PLK4: variants seen among roughly 807,000 people sequenced by gnomAD.
PLK4 encodes the protein polo like kinase 4.
Under a neutral mutation model 103.0 loss-of-function variants are expected in PLK4, and 51 were observed. The ratio of observed to expected loss-of-function variants is 0.50; its 90% confidence interval spans 0.40 to 0.63. The LOEUF (loss-of-function observed/expected upper bound fraction) is 0.63. Among genes scored for constraint, PLK4 ranks in the 20% least tolerant of loss-of-function variants. The probability of loss-of-function intolerance (pLI) is 0.00; values close to 1 mark genes in which losing one functional copy is unlikely to be tolerated. For synonymous variants in PLK4, 389 were observed against 376.8 expected (o/e 1.03, Z -0.38); for missense variants, 1,054 against 1,151.0 (o/e 0.92, Z 1.22).
intron 4 of PLK4, among the ~76,000 whole-genome samples, chr4:127,884,895 G>A (rs574049599): frequency 2.6e-4 from 39 of 151,926 alleles, no homozygotes; most frequent in Non-Finnish European, 4.6e-4. Context: ...AACTGAGATT[G>A]TGCCACTGCA....
intron 1 of PLK4, chr4:127,881,456 C>A: frequency 8.1e-7 from 1 of 1,237,022 alleles, no homozygotes; most frequent in Non-Finnish European, 1.1e-6. Flanking sequence ...TAGAGCAGGG[C>A]AGGGCTACCT....
In PLK4 at chr4:127,886,842, AC is replaced by A. The variant is rs1312390652; in HGVS notation, c.1358+116del. ...GGGAAATGAATGTCTAAAAAAAAAA[AC>A]CACTGTCATGATTTTGACCTGTGGT... On this transcript the variant is annotated intron_variant, in intron 5 of 15. Coordinates refer to ENST00000270861, the MANE Select transcript of PLK4 (RefSeq NM_014264.5). 72 of 620,232 alleles carry A rather than the reference AC, an allele frequency of 1.2e-4. No homozygotes were observed. The South Asian group carries it at 1.6e-3, about 14-fold the overall frequency. The allele number at this position is 620,232 out of a possible 1,614,324, so 38.4% of individuals were successfully genotyped here. A position where few individuals can be genotyped will look rare whatever the true frequency, so the allele number is the denominator to read the frequency against.
Position 127,893,582 on chromosome 4 carries a change from T to C in PLK4, c.2392T>C (p.Phe798Leu), listed in dbSNP as rs1315720714. The change falls in exon 12 of 16, where the codon TTT (phenylalanine) becomes CTT (leucine). Residue 798 changes from phenylalanine to leucine, a missense_variant. Around this residue, in one of 4 missense-constraint regions of PLK4, gnomAD observed 167 missense variants for 200.7 expected, o/e 0.83. Transcript: ENST00000270861. ...EEERKTRSAP[F>L]FPIIIGRKPG... ...GGAAAGGAAAACTAGGAGTGCTCCC[T>C]TTTTCCCAATAATCATAGGAAGGTA... The C allele has an allele frequency of 1.2e-6, 2 of 1,606,338 alleles. No homozygotes were observed. The highest frequency in any genetic ancestry group is 1.7e-6 in the Non-Finnish European group (2 of 1,173,886).
intron 9 of PLK4, 140 bp downstream of exon 9, chr4:127,891,821 GT>G (rs1735371386): frequency 5.1e-6 from 2 of 389,174 alleles, no homozygotes; most frequent in Non-Finnish European, 9.3e-6. Context: ...TTTGTTTCTG[GT>G]GAGAGTTGTA....
At chr4:127,885,418 G>T (rs1259096178) in intron 4 of PLK4, among the ~76,000 whole-genome samples, 3 of 148,208 alleles carry the variant, frequency 2.0e-5, no homozygotes, top group Non-Finnish European at 4.4e-5. Flanking sequence ...GGCGGAGCTT[G>T]CTGTGAGCCG....
At chr4:127,890,306 T>A in intron 7 of PLK4, 70 bp downstream of exon 7, 1 of 1,291,088 alleles carries the variant, frequency 7.7e-7, no homozygotes, top group South Asian at 1.5e-5. Context: ...AGAACATATT[T>A]TTTAGTCCTC....
In PLK4 at chr4:127,890,066, G is replaced by A; in HGVS notation, c.1660G>A (p.Glu554Lys). 1.2e-6 allele frequency: 2 copies of A among 1,613,982 alleles called. No individual in the cohort carries two copies. Among genetic ancestry groups the A allele is most frequent in the South Asian group, 1.1e-5 (1 of 91,064 alleles). Residue 554 changes from glutamate (E) to lysine (K), a missense_variant, in exon 7 of 16, where the codon GAG becomes AAG. Glu to Lys is a moderately conservative substitution (Grantham distance 56). Transcript: ENST00000270861. ...KYMTALHSKP[E>K]IIQQECVFGS... ...TATGACTGCACTTCACAGTAAACCTGAGATAATCCAACAAGAATGTGTTTT... is the reference window on the plus strand; with the variant it reads ...TATGACTGCACTTCACAGTAAACCTAAGATAATCCAACAAGAATGTGTTTT...
In PLK4 at chr4:127,896,661, T is replaced by C. The variant is rs539455991; in HGVS notation, c.2704-140T>C. ...GTAGTCACTTAGAGAGTTTTTTTTT[T>C]AACTGTGGAAAACCTGTTAAATATG... On this transcript the variant is annotated intron_variant, in intron 14 of 15. Transcript: ENST00000270861. 2.0e-4 allele frequency: 92 copies of C among 457,906 alleles called. 1 individual carries two copies. Among genetic ancestry groups the C allele is most frequent in the African/African-American group, 1.6e-3 (80 of 50,300 alleles). The allele number at this position is 457,906 out of a possible 1,614,324, so 28.4% of individuals were successfully genotyped here.
chr4:127,881,301 C>A, intron 1 of PLK4, 137 bp downstream of exon 1: 1 of 1,535,400 alleles, frequency 6.5e-7, no homozygotes, highest in Admixed American at 2.0e-5. Context: ...GTCCCAACGG[C>A]CCAGACCCCT....
chr4:127,885,404 G>A (rs946049418), intron 4 of PLK4, among the ~76,000 whole-genome samples: 2 of 150,904 alleles, frequency 1.3e-5, no homozygotes, highest in Non-Finnish European at 3.0e-5. Flanking sequence ...GCATGAACCC[G>A]GGAGGCGGAG....
chr4:127,885,208 G>C (rs1272136839), intron 4 of PLK4, among the ~76,000 whole-genome samples: 1 of 151,970 alleles, frequency 6.6e-6, no homozygotes, highest in Non-Finnish European at 1.5e-5. Context: ...GGCCAGGCGC[G>C]GTGGCTCAAG....
Position 127,891,094 on chromosome 4 carries a change from G to A in PLK4, c.1833G>A (p.Val611=), listed in dbSNP as rs1184519217. 4 of 1,462,650 alleles carry A rather than the reference G, an allele frequency of 2.7e-6. No individual in the cohort carries two copies. The highest frequency in any genetic ancestry group is 2.0e-5 in the Admixed American group (1 of 51,280). The allele number at this position is 1,462,650 out of a possible 1,614,324, so 90.6% of individuals were successfully genotyped here. Residue 611 remains valine, a splice_region_variant and synonymous_variant, in exon 8 of 16, where the codon GTG becomes GTA. Transcript: ENST00000270861. Reference sequence around the variant, plus strand: ...TTTTGGGTTTTTTTTTTTTTTAGGTGAGCATACTTGATTCAGAGGAGGTGT... The same window carrying A: ...TTTTGGGTTTTTTTTTTTTTTAGGTAAGCATACTTGATTCAGAGGAGGTGT... ...PIRQKTKKAV[V]SILDSEEVCV... is the part of the protein sequence containing the mutation.
intron 5 of PLK4, 99 bp downstream of exon 5, chr4:127,886,827 T>G: frequency 1.5e-6 from 1 of 679,124 alleles, no homozygotes. Context: ...GGGAAATGAA[T>G]GTCTAAAAAA....
intron 2 of PLK4, among the ~76,000 whole-genome samples, chr4:127,882,428 G>A (rs1193905358): frequency 1.3e-5 from 2 of 152,106 alleles, no homozygotes; most frequent in African/African-American, 2.4e-5. Context: ...GAAAACAACT[G>A]TGCAACATGG....
rs373686539 is a variant in PLK4, at chr4:127,894,480, G to A, written c.2563-473G>A. 4.0e-5 allele frequency among the ~76,000 whole-genome samples: 6 copies of A among 151,590 alleles called. No homozygotes were observed. In the East Asian group the frequency reaches 7.7e-4, roughly 20 times the overall value. On this transcript the variant is annotated intron_variant, in intron 13 of 15. Coordinates refer to ENST00000270861, the MANE Select transcript of PLK4 (RefSeq NM_014264.5). ...CCTGAACTTGTGATCCACCTGCCTCGGCCTCCCAAAGTGCTGGGATTACAG... is the reference window on the plus strand; with the variant it reads ...CCTGAACTTGTGATCCACCTGCCTCAGCCTCCCAAAGTGCTGGGATTACAG...
In PLK4 at chr4:127,886,216, A is replaced by G; in HGVS notation, c.846A>G (p.Ser282=). The G allele has an allele frequency of 6.2e-7, 1 of 1,614,180 alleles. No homozygotes were observed. The highest frequency in any genetic ancestry group is 8.5e-7 in the Non-Finnish European group (1 of 1,180,018). The stretch of plus-strand genomic sequence containing the variant: ...AAGATTTAGGAACTGTGGAAGACTC[A>G]ATTGATAGTGGGCATGCCACAATTT... ...KSKDLGTVED[S]IDSGHATIST... The change falls in exon 5 of 16, where the codon TCA becomes TCG. Residue 282 remains serine (S), a synonymous_variant. Transcript: ENST00000270861.
At chr4:127,883,139 A>G in intron 2 of PLK4, 123 bp from the exon 3 acceptor site, 1 of 598,958 alleles carries the variant, frequency 1.7e-6, no homozygotes, top group South Asian at 2.3e-5. Flanking sequence ...AGATAACAGT[A>G]GGTTGACCAC....
intron 4 of PLK4, among the ~76,000 whole-genome samples, chr4:127,885,401 C>G (rs1273061562): frequency 6.6e-6 from 1 of 150,756 alleles, no homozygotes; most frequent in Non-Finnish European, 1.5e-5. Context: ...ATGGCATGAA[C>G]CCGGGAGGCG....
intron 7 of PLK4, 47 bp from the exon 8 acceptor site, chr4:127,891,045 A>C (rs761942076): frequency 1.9e-6 from 2 of 1,037,074 alleles, no homozygotes; most frequent in East Asian, 4.8e-5. Context: ...GAGCTGTTCT[A>C]GTAAACAAAA....
Sources: allele counts gnomAD v4.1 joint callset (sites outside exome capture counted in the v4.1 genomes callset), GRCh38; gene constraint gnomAD v4.1.1; regional missense constraint gnomAD v4.1.1; transcripts MANE v1.5; gene names NCBI Gene and HGNC (gene_info 2026-07-23, HGNC 2026-07-21).